The following YEATS4 variants were observed in gnomAD, a reference collection of about 807,000 sequenced individuals.
YEATS4 encodes YEATS domain-containing protein 4.
Under a neutral mutation model 30.1 loss-of-function variants are expected in YEATS4, and 17 were observed. The observed-to-expected ratio is 0.56, with a 90% CI of 0.39 to 0.85. YEATS4 has a LOEUF of 0.85. YEATS4 is among the 40% of genes least tolerant of loss of function. YEATS4 has a pLI of 0.00. For synonymous variants in YEATS4, 85 were observed against 87.5 expected (o/e 0.97, Z 0.16); for missense variants, 142 against 268.3 (o/e 0.53, Z 3.29).
the YEATS4 span, among the ~76,000 whole-genome samples, chr12:69,403,811 A>G: frequency 6.6e-6 from 1 of 152,200 alleles, no homozygotes; most frequent in East Asian, 1.9e-4. Context: ...TTGAGGCCAC[A>G]TCCAAACAAG....
intron 2 of YEATS4, 134 bp from the exon 3 acceptor site, chr12:69,365,499 T>G (rs1191826956): frequency 1.5e-6 from 1 of 666,838 alleles, no homozygotes; most frequent in Non-Finnish European, 2.5e-6. Flanking sequence ...TAGTTCATGT[T>G]TTTTAGAAAA....
At chr12:69,375,553 G>T (rs1875835217) in intron 6 of YEATS4, among the ~76,000 whole-genome samples, 1 of 152,212 alleles carries the variant, frequency 6.6e-6, no homozygotes, top group African/African-American at 2.4e-5. Context: ...AAGGCAGGCG[G>T]CTGGGAGATG....
Position 69,390,357 on chromosome 12 carries a change from T to C in YEATS4, c.*41T>C, listed in dbSNP as rs1482103999. The C allele has an allele frequency of 4.0e-6, 6 of 1,500,884 alleles. No homozygotes were observed. Among genetic ancestry groups the C allele is most frequent in the Non-Finnish European group, 5.3e-6 (6 of 1,128,168 alleles). The allele number at this position is 1,500,884 out of a possible 1,614,324, so 93.0% of individuals were successfully genotyped here. The stretch of plus-strand genomic sequence containing the variant: ...ACTTGGTAGTAAGCTAAACTGAAAA[T>C]AAGGTGGGCTTCACTGGAGAAATGG... On this transcript the variant is annotated 3_prime_UTR_variant, in exon 7 of 7. Coordinates refer to ENST00000247843, the MANE Select transcript of YEATS4 (RefSeq NM_006530.4).
the YEATS4 span, among the ~76,000 whole-genome samples, chr12:69,402,214 G>T: frequency 6.6e-6 from 1 of 152,026 alleles, no homozygotes; most frequent in Non-Finnish European, 1.5e-5. Flanking sequence ...CTCTATTCTA[G>T]CCTGTCTCAA....
chr12:69,410,978 T>C, the YEATS4 span, among the ~76,000 whole-genome samples: 1 of 152,376 alleles, frequency 6.6e-6, no homozygotes, highest in East Asian at 1.9e-4. Context: ...TCTGCTTTTC[T>C]CACCTGGAAG....
intron 6 of YEATS4, among the ~76,000 whole-genome samples, chr12:69,381,721 TC>T (rs973681948): frequency 1.3e-5 from 2 of 152,222 alleles, no homozygotes; most frequent in South Asian, 2.1e-4. Flanking sequence ...TTTATGTTCT[TC>T]TGCCATGGCT....
chr12:69,375,247 C>T (rs1314911582), intron 6 of YEATS4, among the ~76,000 whole-genome samples: 2 of 149,706 alleles, frequency 1.3e-5, no homozygotes, highest in African/African-American at 2.5e-5. Context: ...GGCAGAGACA[C>T]TCCTCAGTTT....
chr12:69,384,991 T>C (rs1213113074), intron 6 of YEATS4, among the ~76,000 whole-genome samples: 3 of 150,874 alleles, frequency 2.0e-5, no homozygotes, highest in Admixed American at 2.0e-4. Flanking sequence ...TGACTATATT[T>C]GTCCTATTAA....
chr12:69,423,654 T>C, the YEATS4 span, among the ~76,000 whole-genome samples: 1 of 152,156 alleles, frequency 6.6e-6, no homozygotes, highest in East Asian at 1.9e-4. Context: ...TCATGGAACT[T>C]GGACTTGCCC....
intron 6 of YEATS4, among the ~76,000 whole-genome samples, chr12:69,380,397 T>C (rs866935887): frequency 6.6e-6 from 1 of 152,214 alleles, no homozygotes; most frequent in South Asian, 2.1e-4. Flanking sequence ...TCCAGAAGAA[T>C]CCTCTGGATT....
the YEATS4 span, among the ~76,000 whole-genome samples, chr12:69,399,631 C>A: frequency 6.6e-6 from 1 of 152,160 alleles, no homozygotes. Context: ...CCTCAAAATT[C>A]TTCTAGATAT....
chr12:69,367,352 A>G (rs1875473999), intron 4 of YEATS4, among the ~76,000 whole-genome samples: 1 of 148,640 alleles, frequency 6.7e-6, no homozygotes, highest in Non-Finnish European at 1.5e-5. Flanking sequence ...CACTCATGTT[A>G]TATTTTGTTT....
chr12:69,365,570 G>A (rs896685748), intron 2 of YEATS4, 63 bp from the exon 3 acceptor site: 8 of 1,161,302 alleles, frequency 6.9e-6, no homozygotes, highest in Non-Finnish European at 8.9e-6. Context: ...TATACGCTCA[G>A]TGTATTTTTT....
the YEATS4 span, among the ~76,000 whole-genome samples, chr12:69,410,610 C>T: frequency 6.6e-6 from 1 of 152,134 alleles, no homozygotes; most frequent in East Asian, 1.9e-4. Context: ...TTTTAGCAGT[C>T]GATAAGGAAA....
chr12:69,362,021 T>G (rs1009851552), intron 1 of YEATS4, among the ~76,000 whole-genome samples: 3 of 142,816 alleles, frequency 2.1e-5, no homozygotes, highest in Non-Finnish European at 4.6e-5. Context: ...TTGTTTTTTT[T>G]TTTTTTTTTT....
chr12:69,422,152 G>A, the YEATS4 span, among the ~76,000 whole-genome samples: 1 of 152,208 alleles, frequency 6.6e-6, no homozygotes, highest in Non-Finnish European at 1.5e-5. Context: ...GAGATCCTTA[G>A]GGAGAAGGGA....
chr12:69,377,528 T>C (rs1455977986), intron 6 of YEATS4, among the ~76,000 whole-genome samples: 4 of 152,198 alleles, frequency 2.6e-5, no homozygotes, highest in African/African-American at 9.7e-5. Context: ...CCCAAAGTGC[T>C]GGGATTATAG....
intron 6 of YEATS4, among the ~76,000 whole-genome samples, chr12:69,381,769 G>T (rs923681305): frequency 2.0e-5 from 3 of 152,098 alleles, no homozygotes; most frequent in African/African-American, 7.2e-5. Context: ...CTGACTTCCC[G>T]CAACATCTCT....
At chr12:69,393,502 A>C, downstream of YEATS4, among the ~76,000 whole-genome samples, 1 of 133,762 alleles carries the variant, frequency 7.5e-6, no homozygotes, top group African/African-American at 2.6e-5. Context: ...TCATACAAGT[A>C]CCAGCTAGGA....
Sources: gnomAD v4.1 joint callset for allele counts (sites outside exome capture counted in the v4.1 genomes callset) on GRCh38, gnomAD v4.1.1 for gene constraint, MANE v1.5 for transcripts, NCBI Gene and HGNC (gene_info 2026-07-23, HGNC 2026-07-21) for gene names.